Variants in FOXJ3 observed in about 807,000 individuals in gnomAD.
FOXJ3 encodes the protein forkhead box protein J3.
FOXJ3 carries 22 observed loss-of-function variants against 76.1 expected under a neutral mutation model. The observed-to-expected ratio is 0.29, with a 90% CI of 0.21 to 0.41. FOXJ3 has a LOEUF of 0.41. FOXJ3 is among the 10% of genes least tolerant of loss of function. The probability of loss-of-function intolerance (pLI) is 1.00; values close to 1 mark genes in which losing one functional copy is unlikely to be tolerated. For synonymous variants in FOXJ3, 269 were observed against 261.2 expected (o/e 1.03, Z -0.29); for missense variants, 613 against 762.1 (o/e 0.80, Z 2.30).
At position 42,189,392 on chromosome 1, in the gene FOXJ3, T is replaced by C. The variant is rs1646498226; in HGVS notation, c.1364A>G (p.Asp455Gly). ...TAGCATATCAAGTGTCGCATACCAATCATTTGAAACACCTATAAAATATTG... is the reference window on the plus strand; with the variant it reads ...TAGCATATCAAGTGTCGCATACCAACCATTTGAAACACCTATAAAATATTG... ...QVSCNSGVSN[D>G]WYATLDMLKE... The change falls in exon 10 of 13, where the codon GAT (aspartate) becomes GGT (glycine). Residue 455 changes from aspartate to glycine, a missense_variant. Physicochemically the swap from Asp to Gly is moderately conservative, Grantham distance 94 (BLOSUM62 -1). Around this residue, in one of 3 missense-constraint regions of FOXJ3, gnomAD observed 526 missense variants for 601.4 expected, o/e 0.87. Coordinates refer to ENST00000361346, the MANE Select transcript of FOXJ3 (RefSeq NM_014947.5). The C allele has an allele frequency of 6.2e-7, 1 of 1,610,350 alleles. No homozygotes were observed. The highest frequency in any genetic ancestry group is 8.5e-7 in the Non-Finnish European group (1 of 1,176,926).
At chr1:42,210,268 G>A (rs1646941218) in intron 5 of FOXJ3, among the ~76,000 whole-genome samples, 1 of 152,166 alleles carries the variant, frequency 6.6e-6, no homozygotes, top group Non-Finnish European at 1.5e-5. Flanking sequence ...AAAAGCCAGA[G>A]TGCAGACTTG....
intron 6 of FOXJ3, among the ~76,000 whole-genome samples, chr1:42,200,006 A>AG (rs71065111): frequency 1.5e-4 from 1 of 6,592 alleles, no homozygotes; most frequent in Non-Finnish European, 8.6e-4. Flanking sequence ...ACTCTGTCTC[A>AG]AAAAAAAAAA....
chr1:42,333,758 CAA>C (rs918321317), intron 1 of FOXJ3, among the ~76,000 whole-genome samples: 8 of 151,798 alleles, frequency 5.3e-5, no homozygotes, highest in African/African-American at 1.9e-4. Context: ...AAACCAGTTT[CAA>C]AAAAAGAGTG....
intron 4 of FOXJ3, among the ~76,000 whole-genome samples, chr1:42,254,817 G>A (rs1163502973): frequency 2.1e-5 from 3 of 141,008 alleles, no homozygotes; most frequent in Admixed American, 2.1e-4. Context: ...ACTGTTGTGG[G>A]GTGGGGGGAG....
chr1:42,316,595 T>C (rs948044831), intron 1 of FOXJ3, among the ~76,000 whole-genome samples: 7 of 152,088 alleles, frequency 4.6e-5, no homozygotes, highest in Non-Finnish European at 7.4e-5. Flanking sequence ...ATCCCAACTA[T>C]TGACAGTTAC....
At chr1:42,242,418 A>C (rs12756385) in intron 4 of FOXJ3, among the ~76,000 whole-genome samples, 134 of 152,218 alleles carry the variant, frequency 8.8e-4, no homozygotes, top group Non-Finnish European at 1.6e-3. Context: ...GATATCATTA[A>C]AAAGAACCAA....
At chr1:42,319,162 G>A (rs1570247444) in intron 1 of FOXJ3, among the ~76,000 whole-genome samples, 1 of 152,120 alleles carries the variant, frequency 6.6e-6, no homozygotes, top group Non-Finnish European at 1.5e-5. Flanking sequence ...CCCAAGAGGT[G>A]GAGGCTGCAG....
chr1:42,299,460 T>G (rs1234931535), intron 2 of FOXJ3, among the ~76,000 whole-genome samples: 1 of 152,072 alleles, frequency 6.6e-6, no homozygotes, highest in Non-Finnish European at 1.5e-5. Context: ...ATGATAAATC[T>G]TTTTTCACCT....
chr1:42,286,574 A>T (rs1653066681), intron 2 of FOXJ3, among the ~76,000 whole-genome samples: 1 of 152,226 alleles, frequency 6.6e-6, no homozygotes, highest in Non-Finnish European at 1.5e-5. Flanking sequence ...ACACATAGTA[A>T]CTGCTCATAT....
At chr1:42,324,825 A>AGAGT (rs1472314726) in intron 1 of FOXJ3, among the ~76,000 whole-genome samples, 1 of 152,220 alleles carries the variant, frequency 6.6e-6, no homozygotes, top group Non-Finnish European at 1.5e-5. Flanking sequence ...GCAGTTGCTC[A>AGAGT]GAGTGAGTGA....
At chr1:42,272,242 C>G (rs1005712474) in intron 3 of FOXJ3, among the ~76,000 whole-genome samples, 3 of 152,152 alleles carry the variant, frequency 2.0e-5, no homozygotes, top group Non-Finnish European at 4.4e-5. Context: ...TCTAAGTGAC[C>G]TCCCATTTTC....
At chr1:42,238,340 CATTTTATCTTAATT>C (rs1019078630) in intron 4 of FOXJ3, among the ~76,000 whole-genome samples, 11 of 152,096 alleles carry the variant, frequency 7.2e-5, no homozygotes, top group Non-Finnish European at 1.6e-4. Flanking sequence ...CCGCCAATAC[CATTTTATCTTAATT>C]ATTGTTAACT....
chr1:42,286,041 C>T (rs981529434), intron 2 of FOXJ3, among the ~76,000 whole-genome samples: 12 of 152,076 alleles, frequency 7.9e-5, no homozygotes, highest in Non-Finnish European at 2.9e-5. Context: ...GAGGAATGGG[C>T]AAATGAGTAT....
chr1:42,231,682 TA>T (rs1180171618), intron 4 of FOXJ3, among the ~76,000 whole-genome samples: 1 of 152,198 alleles, frequency 6.6e-6, no homozygotes, highest in Non-Finnish European at 1.5e-5. Context: ...TTTCTATTTT[TA>T]TTTTTTTTAA....
At chr1:42,189,199 G>A (rs1646494586) in intron 10 of FOXJ3, 104 bp downstream of exon 10, 1 of 790,634 alleles carries the variant, frequency 1.3e-6, no homozygotes, top group African/African-American at 1.7e-5. Context: ...CAAAAGAAAT[G>A]CTATATAAGA....
chr1:42,194,232 T>C (rs1646607051), intron 8 of FOXJ3, among the ~76,000 whole-genome samples: 1 of 152,214 alleles, frequency 6.6e-6, no homozygotes, highest in Non-Finnish European at 1.5e-5. Flanking sequence ...AATTCATCTC[T>C]GGGGAAAAGA....
At chr1:42,199,008 A>G (rs1322453102) in intron 7 of FOXJ3, 94 bp downstream of exon 7, 1 of 989,070 alleles carries the variant, frequency 1.0e-6, no homozygotes. Flanking sequence ...AGAAAAACAT[A>G]CCTTCATTTT....
At position 42,243,233 on chromosome 1, in the gene FOXJ3, C is replaced by T. The variant is rs542315295; in HGVS notation, c.445-15267G>A. Among the ~76,000 whole-genome samples the T allele has an allele frequency of 4.9e-4, 40 of 81,216 alleles. No individual in the cohort carries two copies. In the Admixed American group the frequency reaches 5.8e-3, roughly 12 times the overall value. The allele number at this position is 81,216 out of a possible 152,430, so 53.3% of individuals were successfully genotyped here. A position where few individuals can be genotyped will look rare whatever the true frequency, so the allele number is the denominator to read the frequency against. ...GATGGTATTTACCATCAAGAAAACA[C>T]GGAGAAGTATAAAAACTCACTGGTA... On this transcript the variant is annotated intron_variant, in intron 4 of 12. Coordinates refer to ENST00000361346, the MANE Select transcript of FOXJ3 (RefSeq NM_014947.5).
intron 4 of FOXJ3, among the ~76,000 whole-genome samples, chr1:42,230,982 C>A (rs562504063): frequency 1.1e-4 from 17 of 152,132 alleles, no homozygotes; most frequent in African/African-American, 4.1e-4. Flanking sequence ...AACAAATATG[C>A]CACATACATA....
Sources: gnomAD v4.1 joint callset for allele counts (sites outside exome capture counted in the v4.1 genomes callset) on GRCh38, gnomAD v4.1.1 for gene constraint, gnomAD v4.1.1 regional missense constraint, MANE v1.5 for transcripts, NCBI Gene and HGNC (gene_info 2026-07-23, HGNC 2026-07-21) for gene names.